SULT1E1: variants seen among roughly 807,000 people sequenced by gnomAD.
The protein encoded by SULT1E1 is sulfotransferase family 1E member 1, also known as sulfotransferase 1E1.
Under a neutral mutation model 33.6 loss-of-function variants are expected in SULT1E1, and 36 were observed. That is an observed-to-expected ratio of 1.07 (90% CI 0.82 to 1.41). The LOEUF (loss-of-function observed/expected upper bound fraction) is 1.41. SULT1E1 is among the 40% of genes most tolerant of loss of function. The probability of loss-of-function intolerance (pLI) is 0.00; values close to 1 mark genes in which losing one functional copy is unlikely to be tolerated. For synonymous variants in SULT1E1, 121 were observed against 111.7 expected (o/e 1.08, Z -0.53); for missense variants, 371 against 345.7 (o/e 1.07, Z -0.58).
At chr4:69,850,476 A>C (rs1467952481) in intron 4 of SULT1E1, among the ~76,000 whole-genome samples, 1 of 152,088 alleles carries the variant, frequency 6.6e-6, no homozygotes, top group Non-Finnish European at 1.5e-5. Context: ...ATGTTGTAGA[A>C]ATCTAGCTTA....
chr4:69,834,631 G>A, the SULT1E1 span, among the ~76,000 whole-genome samples: 5 of 152,106 alleles, frequency 3.3e-5, no homozygotes. Flanking sequence ...GAGAACCAAT[G>A]AGTTAATTCA....
chr4:69,853,355 A>G (rs1721165903), intron 4 of SULT1E1, among the ~76,000 whole-genome samples: 1 of 152,124 alleles, frequency 6.6e-6, no homozygotes, highest in Admixed American at 6.6e-5. Flanking sequence ...CATTACCATT[A>G]AAATGTCAGA....
chr4:69,850,654 C>G (rs1721082737), intron 4 of SULT1E1, among the ~76,000 whole-genome samples: 1 of 151,946 alleles, frequency 6.6e-6, no homozygotes, highest in African/African-American at 2.4e-5. Context: ...TGAATGGAAC[C>G]CTTTGCCACT....
At chr4:69,843,857 A>C (rs562675796) in intron 7 of SULT1E1, among the ~76,000 whole-genome samples, 1 of 152,350 alleles carries the variant, frequency 6.6e-6, no homozygotes, top group East Asian at 1.9e-4. Context: ...TATATGATAC[A>C]TGTTGTAACA....
chr4:69,838,189 A>G (rs778033840), downstream of SULT1E1, among the ~76,000 whole-genome samples: 14 of 152,106 alleles, frequency 9.2e-5, no homozygotes, highest in Admixed American at 3.9e-4. Context: ...GTCTTTGTAG[A>G]GGTTTATTAA....
chr4:69,856,898 T>C (rs1301968717), intron 2 of SULT1E1, among the ~76,000 whole-genome samples: 2 of 118,816 alleles, frequency 1.7e-5, no homozygotes, highest in Admixed American at 1.2e-4. Flanking sequence ...ATCGCGCCAC[T>C]GCACTCCAGC....
At chr4:69,839,219 A>G (rs1720840529), downstream of SULT1E1, among the ~76,000 whole-genome samples, 1 of 152,258 alleles carries the variant, frequency 6.6e-6, no homozygotes, top group African/African-American at 2.4e-5. Flanking sequence ...TACAAAATCC[A>G]GAAGTTTGTT....
Position 69,857,646 on chromosome 4 carries a change from G to T in SULT1E1, c.-2C>A. The T allele has an allele frequency of 1.3e-6, 2 of 1,584,032 alleles. No individual in the cohort carries two copies. Among genetic ancestry groups the T allele is most frequent in the Admixed American group, 1.9e-5 (1 of 51,488 alleles). On this transcript the variant is annotated 5_prime_UTR_variant, in exon 2 of 8. Transcript: ENST00000226444. The stretch of plus-strand genomic sequence containing the variant: ...ATAATAGTCAAGTTCAGAATTCATT[G>T]TGGTACACTGAAAAAAAACCTCTGC...
rs781100262 is a variant in SULT1E1, at chr4:69,854,304, T to G, written c.282A>C (p.Gln94His). ...TTCTAGGAGAATTCATCTCATCTAATTGTTTTACTCCTGATTTTTAAAAAA... is the reference window on the plus strand; with the variant it reads ...TTCTAGGAGAATTCATCTCATCTAAGTGTTTTACTCCTGATTTTTAAAAAA... ...RKENLMNGVK[Q>H]LDEMNSPRIV... Residue 94 changes from glutamine to histidine, a missense_variant, in exon 4 of 8, where the codon CAA (glutamine) becomes CAC (histidine). Transcript: ENST00000226444. 23 of 1,605,976 alleles carry G rather than the reference T, an allele frequency of 1.4e-5. No individual in the cohort carries two copies. In the East Asian group the frequency reaches 2.0e-4, roughly 14 times the overall value.
At chr4:69,825,536 A>G in the SULT1E1 span, among the ~76,000 whole-genome samples, 10 of 152,092 alleles carry the variant, frequency 6.6e-5, no homozygotes, top group African/African-American at 2.4e-4. Flanking sequence ...AGCAACTAGC[A>G]TGCCTGCTGG....
chr4:69,847,574 C>T (rs1281000551), intron 6 of SULT1E1, 124 bp downstream of exon 6: 3 of 544,856 alleles, frequency 5.5e-6, no homozygotes, highest in Non-Finnish European at 9.4e-6. Flanking sequence ...TTGGTCCTTT[C>T]CTTTTAAAAA....
downstream of SULT1E1, among the ~76,000 whole-genome samples, chr4:69,840,877 T>C (rs1344977197): frequency 3.9e-5 from 6 of 152,086 alleles, no homozygotes; most frequent in African/African-American, 7.2e-5. Flanking sequence ...AAACCCCGTC[T>C]CTACTAAAAA....
chr4:69,843,418 C>T (rs959369298), intron 7 of SULT1E1, among the ~76,000 whole-genome samples: 1 of 151,904 alleles, frequency 6.6e-6, no homozygotes, highest in Non-Finnish European at 1.5e-5. Context: ...TCAGTGGATC[C>T]CTGTTCTGTT....
At position 69,849,542 on chromosome 4, in the gene SULT1E1, C is replaced by A; in HGVS notation, c.391G>T (p.Ala131Ser). 1.9e-6 allele frequency: 3 copies of A among 1,607,010 alleles called. No homozygotes were observed. The East Asian group carries it at 6.7e-5, about 36-fold the overall frequency. Residue 131 changes from alanine (A) to serine (S), a missense_variant, in exon 5 of 8, where the codon GCA (alanine) becomes TCA (serine). Ala to Ser is a moderately conservative substitution (Grantham distance 99). Coordinates refer to ENST00000226444, the MANE Select transcript of SULT1E1 (RefSeq NM_005420.3). ...TAAAAGGAAACAGCCACATCCTTTG[C>A]ATTCCGGCAAAGATAGATTATCTAA... ...DCKIIYLCRN[A>S]KDVAVSFYYF...
the SULT1E1 span, among the ~76,000 whole-genome samples, chr4:69,835,750 G>A: frequency 6.6e-6 from 1 of 151,900 alleles, no homozygotes; most frequent in African/African-American, 2.4e-5. Flanking sequence ...CGTATCCTTG[G>A]GCAAATGAAC....
At position 69,855,322 on chromosome 4, in the gene SULT1E1, T is replaced by A. The variant is rs1721212521; in HGVS notation, c.250A>T (p.Arg84Ter). ...TTACCATTCATGAGGTTTTCTTTTC[T>A]GCATTCCAGGAAAGGTATTCGATTA... ...IFNRIPFLEC[R>*]KENLMNGVKQ... Residue 84 changes from arginine (R) to a stop codon, truncating the protein, a stop_gained, in exon 3 of 8, where the codon AGA (arginine) becomes TGA (stop). Transcript: ENST00000226444. LOFTEE classifies it high-confidence loss of function. 1 of 1,612,954 alleles carries A rather than the reference T, an allele frequency of 6.2e-7. No homozygotes were observed. Among genetic ancestry groups the A allele is most frequent in the South Asian group, 1.1e-5 (1 of 91,008 alleles).
chr4:69,827,080 C>T, the SULT1E1 span, among the ~76,000 whole-genome samples: 1 of 152,110 alleles, frequency 6.6e-6, no homozygotes, highest in Non-Finnish European at 1.5e-5. Flanking sequence ...TCCCCTTCTC[C>T]TATTCTGATT....
At chr4:69,840,480 TA>T (rs1004331844), downstream of SULT1E1, among the ~76,000 whole-genome samples, 86 of 152,284 alleles carry the variant, frequency 5.6e-4, no homozygotes, top group Middle Eastern at 0.014. Context: ...ATGTTTTAAA[TA>T]AAAAACAATA....
intron 1 of SULT1E1, among the ~76,000 whole-genome samples, chr4:69,858,072 A>T (rs770367769): frequency 1.3e-5 from 2 of 152,158 alleles, no homozygotes; most frequent in African/African-American, 2.4e-5. Flanking sequence ...AACAATAAAG[A>T]TCATTACATT....
Sources: allele counts gnomAD v4.1 joint callset (sites outside exome capture counted in the v4.1 genomes callset), GRCh38; gene constraint gnomAD v4.1.1; transcripts MANE v1.5; gene names NCBI Gene and HGNC (gene_info 2026-07-23, HGNC 2026-07-21).